Variants in RANBP17 observed in about 807,000 individuals in gnomAD.
RANBP17 encodes ran-binding protein 17.
A neutral mutation model predicts 141.2 loss-of-function variants in RANBP17; 158 were observed. The observed-to-expected ratio is 1.12, with a 90% confidence interval of 0.98 to 1.28. RANBP17 has a LOEUF of 1.28. Among genes scored for constraint, RANBP17 ranks in the 50% most tolerant of loss-of-function variants. The pLI is 0.00. For synonymous variants in RANBP17, 430 were observed against 450.0 expected, an observed-to-expected ratio of 0.96 and a Z score of 0.56; for missense variants, 1,438 against 1,290.7, an observed-to-expected ratio of 1.11 and a Z score of -1.75.
At chr5:171,179,316 A>C (rs752190223) in intron 16 of RANBP17, among the ~76,000 whole-genome samples, 2 of 151,918 alleles carry the variant, frequency 1.3e-5, no homozygotes, top group Non-Finnish European at 2.9e-5. Flanking sequence ...TCTTCCTCCT[A>C]TTCTTTTCTT....
At chr5:170,862,304 G>A (rs1766858465) in intron 1 of RANBP17, among the ~76,000 whole-genome samples, 1 of 152,188 alleles carries the variant, frequency 6.6e-6, no homozygotes, top group African/African-American at 2.4e-5. Context: ...GGAGGGGGCG[G>A]GGGACAGGCC....
At chr5:170,989,772 C>T (rs1778382568) in intron 14 of RANBP17, among the ~76,000 whole-genome samples, 1 of 151,466 alleles carries the variant, frequency 6.6e-6, no homozygotes, top group South Asian at 2.1e-4. Flanking sequence ...ATCTAATATC[C>T]AGGAAGGAAA....
intron 14 of RANBP17, among the ~76,000 whole-genome samples, chr5:171,165,959 G>A (rs955224392): frequency 1.3e-5 from 2 of 152,074 alleles, no homozygotes; most frequent in African/African-American, 4.8e-5. Flanking sequence ...TTTCACAGGG[G>A]GAAGAATACA....
chr5:171,168,290 AG>A (rs1759841297), intron 14 of RANBP17, among the ~76,000 whole-genome samples: 1 of 152,164 alleles, frequency 6.6e-6, no homozygotes, highest in Non-Finnish European at 1.5e-5. Context: ...GAGGGGAAAA[AG>A]AGGAAGAAGA....
At chr5:171,152,136 C>T (rs1215406535) in intron 14 of RANBP17, among the ~76,000 whole-genome samples, 1 of 151,722 alleles carries the variant, frequency 6.6e-6, no homozygotes, top group Non-Finnish European at 1.5e-5. Context: ...AAGCTGGGCA[C>T]AGTAGCTCAC....
At chr5:171,089,013 C>T (rs903527782) in intron 14 of RANBP17, among the ~76,000 whole-genome samples, 37 of 151,680 alleles carry the variant, frequency 2.4e-4, no homozygotes, top group East Asian at 1.8e-3. Context: ...TGAGGAACTG[C>T]GTTCCTTTGG....
intron 22 of RANBP17, among the ~76,000 whole-genome samples, chr5:171,226,171 G>A (rs570192189): frequency 6.6e-6 from 1 of 152,278 alleles, no homozygotes; most frequent in East Asian, 1.9e-4. Context: ...GTTGCATGCA[G>A]TGTAATAAAT....
intron 13 of RANBP17, among the ~76,000 whole-genome samples, chr5:170,965,603 A>G (rs1776496581): frequency 6.6e-6 from 1 of 152,170 alleles, no homozygotes; most frequent in Admixed American, 6.5e-5. Flanking sequence ...ATCCAGTTTC[A>G]GCTTTCTATA....
At chr5:170,948,530 C>T (rs950376649) in intron 12 of RANBP17, among the ~76,000 whole-genome samples, 10 of 151,984 alleles carry the variant, frequency 6.6e-5, no homozygotes, top group East Asian at 3.9e-4. Context: ...AATTATATAC[C>T]GACACTGTAA....
intron 25 of RANBP17, among the ~76,000 whole-genome samples, chr5:171,266,910 C>A (rs1184182154): frequency 6.7e-6 from 1 of 149,568 alleles, no homozygotes; most frequent in Non-Finnish European, 1.5e-5. Flanking sequence ...AAGACTCCAT[C>A]TCAAAAAAAA....
At chr5:171,267,093 A>G (rs943205683) in intron 25 of RANBP17, among the ~76,000 whole-genome samples, 10 of 143,724 alleles carry the variant, frequency 7.0e-5, no homozygotes, top group African/African-American at 2.4e-4. Flanking sequence ...CAGTGGCACA[A>G]TCTGGGCTCA....
At chr5:171,201,021 T>G (rs2127955193) in intron 19 of RANBP17, among the ~76,000 whole-genome samples, 1 of 152,380 alleles carries the variant, frequency 6.6e-6, no homozygotes, top group East Asian at 1.9e-4. Flanking sequence ...AGGTTGCTAT[T>G]TCTGCCCTTT....
chr5:171,242,497 G>C (rs992793231), intron 23 of RANBP17, among the ~76,000 whole-genome samples, 185 bp from the exon 24 acceptor site: 1 of 152,142 alleles, frequency 6.6e-6, no homozygotes, highest in Non-Finnish European at 1.5e-5. Context: ...GAGATCAAGC[G>C]ATTCCTATCA....
At chr5:171,014,566 A>G (rs565567502) in intron 14 of RANBP17, among the ~76,000 whole-genome samples, 1 of 152,092 alleles carries the variant, frequency 6.6e-6, no homozygotes, top group East Asian at 1.9e-4. Context: ...AGAACTTTCC[A>G]GCAGAGTACT....
intron 22 of RANBP17, among the ~76,000 whole-genome samples, chr5:171,234,932 C>T (rs138303266): frequency 0.011 from 1,606 of 152,228 alleles, 26 homozygotes; most frequent in African/African-American, 0.036. Flanking sequence ...AATGAGTGTG[C>T]ATGCTTCAGC....
At chr5:170,984,424 G>C (rs78354873) in intron 14 of RANBP17, among the ~76,000 whole-genome samples, 1,574 of 152,172 alleles carry the variant, frequency 0.01, 15 homozygotes, top group Admixed American at 0.019. Flanking sequence ...CCAGAAGTTT[G>C]AGACCAGCCT....
intron 14 of RANBP17, among the ~76,000 whole-genome samples, chr5:171,167,219 T>C (rs1759765446): frequency 6.6e-6 from 1 of 152,178 alleles, no homozygotes; most frequent in African/African-American, 2.4e-5. Context: ...AGGGACACGG[T>C]AGGAAAACTT....
At chr5:171,069,078 C>T (rs1784487770) in intron 14 of RANBP17, among the ~76,000 whole-genome samples, 1 of 152,108 alleles carries the variant, frequency 6.6e-6, no homozygotes, top group South Asian at 2.1e-4. Flanking sequence ...TACCTGAATG[C>T]CTGGAACCAA....
At chr5:170,937,617 A>G (rs1773984268) in intron 12 of RANBP17, among the ~76,000 whole-genome samples, 1 of 152,178 alleles carries the variant, frequency 6.6e-6, no homozygotes, top group Admixed American at 6.5e-5. Flanking sequence ...GAGTAAATAG[A>G]TTGGTGGGCA....
Sources: gnomAD v4.1 joint callset for allele counts (sites outside exome capture counted in the v4.1 genomes callset) on GRCh38, gnomAD v4.1.1 for gene constraint, MANE v1.5 for transcripts, NCBI Gene and HGNC (gene_info 2026-07-23, HGNC 2026-07-21) for gene names.